Variants in LRP1B observed in about 807,000 individuals in gnomAD.
The protein encoded by LRP1B is LDL receptor related protein 1B.
LRP1B carries 217 observed loss-of-function variants against 556.6 expected under a neutral mutation model. The observed-to-expected ratio is 0.39, with a 90% confidence interval of 0.35 to 0.44. The LOEUF (loss-of-function observed/expected upper bound fraction) is 0.44. LRP1B is among the 20% of genes least tolerant of loss of function. The pLI is 1.00. For synonymous variants in LRP1B, 2,047 were observed against 1,865.8 expected (o/e 1.10, Z -2.50); for missense variants, 5,053 against 5,620.8 (o/e 0.90, Z 3.23).
chr2:140,724,991 C>CA (rs1449143342), intron 35 of LRP1B, among the ~76,000 whole-genome samples: 2 of 152,144 alleles, frequency 1.3e-5, no homozygotes, highest in East Asian at 3.9e-4. Context: ...TAGGTAGGCC[C>CA]AGGAATACAA....
intron 1 of LRP1B, among the ~76,000 whole-genome samples, chr2:142,096,115 G>A (rs1290162639): frequency 6.6e-6 from 1 of 151,622 alleles, no homozygotes; most frequent in Non-Finnish European, 1.5e-5. Flanking sequence ...ATCCTCTTTT[G>A]CAGAAGTTCA....
chr2:141,153,041 A>G (rs568715204), intron 7 of LRP1B, among the ~76,000 whole-genome samples: 1 of 150,270 alleles, frequency 6.7e-6, no homozygotes, highest in Admixed American at 6.7e-5. Context: ...AATCTTAACC[A>G]TTCTTTAAGA....
intron 3 of LRP1B, among the ~76,000 whole-genome samples, chr2:141,443,783 T>G (rs911624339): frequency 4.6e-5 from 7 of 152,170 alleles, no homozygotes; most frequent in Admixed American, 3.9e-4. Context: ...GTTCCATTGG[T>G]CTGTATATAT....
intron 43 of LRP1B, among the ~76,000 whole-genome samples, chr2:140,558,922 C>A (rs1395783639): frequency 4.0e-5 from 6 of 150,634 alleles, no homozygotes; most frequent in African/African-American, 1.2e-4. Context: ...GGCAACAGAG[C>A]CAGACCCTGT....
At chr2:140,312,426 A>C (rs1684341420) in intron 83 of LRP1B, among the ~76,000 whole-genome samples, 4 of 151,980 alleles carry the variant, frequency 2.6e-5, no homozygotes, top group Admixed American at 2.6e-4. Flanking sequence ...TAACAGACCT[A>C]TAGCAGTACA....
chr2:140,365,049 T>G (rs1365831057), intron 71 of LRP1B, among the ~76,000 whole-genome samples: 1 of 151,652 alleles, frequency 6.6e-6, no homozygotes, highest in Admixed American at 6.6e-5. Context: ...AGAAAGTTTT[T>G]AAGAATCTAA....
intron 1 of LRP1B, among the ~76,000 whole-genome samples, chr2:141,833,519 G>T (rs146923890): frequency 5.1e-4 from 77 of 151,948 alleles, no homozygotes; most frequent in Admixed American, 9.2e-4. Flanking sequence ...CAGAGTGACA[G>T]GAATAGTATA....
At chr2:140,969,873 T>A (rs4525628) in intron 18 of LRP1B, among the ~76,000 whole-genome samples, 55 of 152,184 alleles carry the variant, frequency 3.6e-4, no homozygotes, top group Admixed American at 9.2e-4. Context: ...GCTTGTAGAG[T>A]TTCTGCCGAG....
intron 41 of LRP1B, among the ~76,000 whole-genome samples, chr2:140,619,105 ACACACACAC>A (rs1268797804): frequency 1.2e-4 from 15 of 124,590 alleles, no homozygotes; most frequent in African/African-American, 4.3e-4. Flanking sequence ...ACACACACAC[ACACACACAC>A]AACTCTGACT....
At chr2:140,468,289 C>T (rs1288452342) in intron 60 of LRP1B, among the ~76,000 whole-genome samples, 1 of 152,174 alleles carries the variant, frequency 6.6e-6, no homozygotes, top group Non-Finnish European at 1.5e-5. Context: ...GCAATTTCCA[C>T]CAGGATGCAG....
intron 2 of LRP1B, among the ~76,000 whole-genome samples, chr2:141,583,184 A>T (rs2105282549): frequency 6.6e-6 from 1 of 152,270 alleles, no homozygotes; most frequent in East Asian, 1.9e-4. Flanking sequence ...TCTAATGTCA[A>T]ACAGTTTGGA....
At chr2:140,254,074 C>A (rs72910123) in intron 86 of LRP1B, among the ~76,000 whole-genome samples, 1,591 of 152,184 alleles carry the variant, frequency 0.01, 23 homozygotes, top group Non-Finnish European at 0.017. Context: ...AAGATTTCTT[C>A]TACAAAAACC....
chr2:140,961,190 A>C (rs1234898649), intron 18 of LRP1B, among the ~76,000 whole-genome samples: 1 of 152,032 alleles, frequency 6.6e-6, no homozygotes, highest in East Asian at 1.9e-4. Flanking sequence ...AAATATCAAT[A>C]AGGATACATA....
At chr2:141,854,544 A>G (rs1026304015) in intron 1 of LRP1B, among the ~76,000 whole-genome samples, 19 of 152,222 alleles carry the variant, frequency 1.2e-4, no homozygotes, top group African/African-American at 4.3e-4. Flanking sequence ...TTCCACCTGC[A>G]TTACACATCT....
In LRP1B at chr2:140,492,685, G is replaced by T. The variant is rs1425759451; in HGVS notation, c.9043C>A (p.Pro3015Thr). Residue 3015 changes from proline (P) to threonine (T), a missense_variant, in exon 57 of 91, where the codon CCT (proline) becomes ACT (threonine). Transcript: ENST00000389484. ...TGATGATCAGCAAGAATTAAAAAAG[G>T]TTCTTCATCTAAACACCAACACAAA... is the stretch of plus-strand genomic sequence containing the variant. ...NGCKSLSDEE[P>T]FLILADHHEI... 10 of 1,609,020 alleles carry T rather than the reference G, an allele frequency of 6.2e-6. No individual in the cohort carries two copies. Among genetic ancestry groups the T allele is most frequent in the African/African-American group, 1.3e-5 (1 of 74,802 alleles).
chr2:141,129,392 T>A (rs1293071762), intron 7 of LRP1B, among the ~76,000 whole-genome samples: 8 of 152,026 alleles, frequency 5.3e-5, no homozygotes, highest in Admixed American at 1.3e-4. Flanking sequence ...TGTAAAAAAA[T>A]TATAAAAATC....
chr2:141,737,129 G>A (rs993111825), intron 2 of LRP1B, among the ~76,000 whole-genome samples: 2 of 152,116 alleles, frequency 1.3e-5, no homozygotes, highest in African/African-American at 4.8e-5. Flanking sequence ...TTAGGCAGGT[G>A]GATCATGAGG....
At chr2:142,052,122 G>A (rs1704484865) in intron 1 of LRP1B, among the ~76,000 whole-genome samples, 2 of 151,692 alleles carry the variant, frequency 1.3e-5, no homozygotes, top group South Asian at 2.1e-4. Flanking sequence ...TAGTCAAAAC[G>A]TCTTTCAGAG....
In LRP1B at chr2:140,700,335, G is replaced by T. The variant is rs755665413; in HGVS notation, c.6714C>A (p.Thr2238=). The change falls in exon 41 of 91, where the codon ACC becomes ACA. Residue 2238 remains threonine (T), a synonymous_variant. Transcript: ENST00000389484. ...GTGCATCACTGTAAAAGATTCGGTTGGTACCTTTTCTTCTTTGATTATAGT... is the reference window on the plus strand; with the variant it reads ...GTGCATCACTGTAAAAGATTCGGTTTGTACCTTTTCTTCTTTGATTATAGT... The part of the protein sequence containing the change: ...AFDYNQRRKG[T]NRIFYSDAHF... 85 of 1,612,540 alleles carry T rather than the reference G, an allele frequency of 5.3e-5. No individual in the cohort carries two copies. In the South Asian group the frequency reaches 8.5e-4, roughly 16 times the overall value.
Sources: gnomAD v4.1 joint callset for allele counts (sites outside exome capture counted in the v4.1 genomes callset) on GRCh38, gnomAD v4.1.1 for gene constraint, MANE v1.5 for transcripts, NCBI Gene and HGNC (gene_info 2026-07-23, HGNC 2026-07-21) for gene names.